SAMMSON: variants seen among roughly 807,000 people sequenced by gnomAD.
SAMMSON encodes survival associated mitochondrial melanoma specific oncogenic non-coding RNA.
intron 9 of SAMMSON, among the ~76,000 whole-genome samples, chr3:70,362,221 A>G (rs890690546): frequency 6.6e-6 from 1 of 152,200 alleles, no homozygotes. Context: ...TTTTGTATCA[A>G]ACATTTAAAA....
At chr3:70,197,687 G>A (rs1051120964) in intron 4 of SAMMSON, among the ~76,000 whole-genome samples, 4 of 152,282 alleles carry the variant, frequency 2.6e-5, no homozygotes, top group Non-Finnish European at 2.9e-5. Flanking sequence ...CAGTGCAAGC[G>A]AAAAGCACAT....
chr3:70,352,110 CAA>C (rs71126499), intron 7 of SAMMSON, among the ~76,000 whole-genome samples: 94,781 of 138,764 alleles, frequency 0.68, 31,625 homozygotes, highest in Middle Eastern at 0.74. Context: ...CTCAATCTGG[CAA>C]AAAAAAAAAA....
chr3:70,363,445 C>A (rs182628133), intron 9 of SAMMSON, among the ~76,000 whole-genome samples: 14 of 151,554 alleles, frequency 9.2e-5, no homozygotes, highest in Admixed American at 2.0e-4. Flanking sequence ...CTCACACACA[C>A]AAAAAAAACC....
chr3:70,185,330 A>G (rs1233202850), intron 4 of SAMMSON, among the ~76,000 whole-genome samples: 5 of 152,148 alleles, frequency 3.3e-5, no homozygotes, highest in Non-Finnish European at 7.4e-5. Context: ...TCCACTATGT[A>G]ATGTGGTTGA....
chr3:70,349,852 T>A (rs143396586), intron 7 of SAMMSON, among the ~76,000 whole-genome samples: 271 of 152,300 alleles, frequency 1.8e-3, no homozygotes, highest in African/African-American at 6.2e-3. Context: ...CTTAGCAAAC[T>A]CATCCTTCTA....
chr3:70,019,537 A>C (rs559931937), intron 3 of SAMMSON, among the ~76,000 whole-genome samples: 1 of 152,090 alleles, frequency 6.6e-6, no homozygotes, highest in Non-Finnish European at 1.5e-5. Context: ...TCTTTATCCA[A>C]TTGGCCAGTC....
chr3:70,202,318 G>A (rs1701247787), intron 4 of SAMMSON, among the ~76,000 whole-genome samples: 2 of 152,138 alleles, frequency 1.3e-5, no homozygotes, highest in African/African-American at 4.8e-5. Context: ...TCTGATAGTG[G>A]TTAGTGACTA....
intron 4 of SAMMSON, among the ~76,000 whole-genome samples, chr3:70,138,703 A>C (rs947209552): frequency 1.3e-5 from 2 of 152,192 alleles, no homozygotes; most frequent in African/African-American, 4.8e-5. Context: ...ATCAACTTAA[A>C]TGTTTAAAGT....
intron 4 of SAMMSON, among the ~76,000 whole-genome samples, chr3:70,198,362 C>T (rs13065931): frequency 0.84 from 127,914 of 152,080 alleles, 54,642 homozygotes; most frequent in Non-Finnish European, 0.92. Context: ...ATTTTGCCTA[C>T]AGTATAAGTG....
At chr3:70,061,357 C>G (rs191144959) in intron 3 of SAMMSON, among the ~76,000 whole-genome samples, 62 of 152,234 alleles carry the variant, frequency 4.1e-4, no homozygotes, top group African/African-American at 1.5e-3. Flanking sequence ...AAATTGGCAA[C>G]CTGTGGGCCC....
chr3:70,030,370 A>G (rs1020284939), intron 3 of SAMMSON: 2 of 152,208 alleles, frequency 1.3e-5, no homozygotes, highest in African/African-American at 4.8e-5. Flanking sequence ...AAGAGACTAG[A>G]TTAAGCAACC....
chr3:70,424,504 C>G (rs1343808100), intron 2 of SAMMSON, among the ~76,000 whole-genome samples: 9 of 151,966 alleles, frequency 5.9e-5, no homozygotes, highest in Admixed American at 2.6e-4. Flanking sequence ...TAATTTCACA[C>G]TGGATGACAC....
At chr3:70,159,846 G>A (rs1036989567) in intron 4 of SAMMSON, among the ~76,000 whole-genome samples, 2 of 151,950 alleles carry the variant, frequency 1.3e-5, no homozygotes, top group South Asian at 2.1e-4. Flanking sequence ...GTGAGCCACC[G>A]TGCCTGGCCC....
In SAMMSON at chr3:70,239,269, T is replaced by A. The variant is rs188381098; in HGVS notation, n.508-9838T>A. 1.2e-4 allele frequency among the ~76,000 whole-genome samples: 18 copies of A among 152,160 alleles called. No homozygotes were observed. In the East Asian group the frequency reaches 3.3e-3, roughly 28 times the overall value. ...TTGTTATCTTGATTTCAAAGATTGT[T>A]TTAAAAAATCAAATGGTTTTCACAG... is the stretch of plus-strand genomic sequence containing the variant. On this transcript the variant is annotated intron_variant and non_coding_transcript_variant, in intron 4 of 9. Transcript: ENST00000642114.
chr3:70,059,121 G>C (rs2067178434), intron 3 of SAMMSON, among the ~76,000 whole-genome samples: 1 of 152,084 alleles, frequency 6.6e-6, no homozygotes, highest in Non-Finnish European at 1.5e-5. Context: ...TAGGATGATA[G>C]AAGTATGTGC....
chr3:70,345,844 A>G (rs1478164121), intron 7 of SAMMSON, among the ~76,000 whole-genome samples: 1 of 152,200 alleles, frequency 6.6e-6, no homozygotes, highest in Non-Finnish European at 1.5e-5. Context: ...ATCACTGAAT[A>G]ATATTCCATT....
chr3:70,347,257 T>TGC (rs1416006061), intron 7 of SAMMSON, among the ~76,000 whole-genome samples: 1 of 152,268 alleles, frequency 6.6e-6, no homozygotes, highest in African/African-American at 2.4e-5. Flanking sequence ...GGTTAGATTT[T>TGC]ATTTAAGCAA....
intron 4 of SAMMSON, among the ~76,000 whole-genome samples, chr3:70,087,265 T>G (rs1368713079): frequency 6.6e-6 from 1 of 152,238 alleles, no homozygotes; most frequent in Non-Finnish European, 1.5e-5. Flanking sequence ...TGACCAAGTC[T>G]CATTCCAGAA....
intron 4 of SAMMSON, among the ~76,000 whole-genome samples, chr3:70,083,449 G>A (rs953700043): frequency 6.6e-6 from 1 of 152,094 alleles, no homozygotes; most frequent in Admixed American, 6.5e-5. Flanking sequence ...AGCAACTCAG[G>A]GAAGGGTGGA....
Sources: allele counts gnomAD v4.1 joint callset (sites outside exome capture counted in the v4.1 genomes callset), GRCh38; gene constraint gnomAD v4.1.1; transcripts MANE v1.5; gene names NCBI Gene and HGNC (gene_info 2026-07-23, HGNC 2026-07-21).